The following SRBD1 variants were observed in gnomAD, a reference collection of about 807,000 sequenced individuals.
SRBD1 encodes the protein S1 RNA-binding domain-containing protein 1.
SRBD1 carries 88 observed loss-of-function variants against 115.3 expected under a neutral mutation model. The ratio of observed to expected loss-of-function variants is 0.76; its 90% confidence interval spans 0.64 to 0.91. SRBD1 has a LOEUF of 0.91. Among genes scored for constraint, SRBD1 ranks in the 40% least tolerant of loss-of-function variants. The pLI is 0.00. For synonymous variants in SRBD1, 509 were observed against 407.7 expected, an observed-to-expected ratio of 1.25 and a Z score of -2.99; for missense variants, 1,385 against 1,177.4, an observed-to-expected ratio of 1.18 and a Z score of -2.58.
chr2:45,433,958 C>T (rs1252009599), intron 16 of SRBD1, among the ~76,000 whole-genome samples: 5 of 152,116 alleles, frequency 3.3e-5, no homozygotes, highest in Admixed American at 6.5e-5. Context: ...GGCATCAGCA[C>T]TGGAAGGATT....
intron 14 of SRBD1, among the ~76,000 whole-genome samples, chr2:45,518,567 A>T (rs1372966975): frequency 6.6e-6 from 1 of 152,194 alleles, no homozygotes; most frequent in Non-Finnish European, 1.5e-5. Flanking sequence ...ACCTTGTTAC[A>T]TGGAAACCAT....
intron 5 of SRBD1, among the ~76,000 whole-genome samples, chr2:45,582,149 C>T (rs1351890235): frequency 6.6e-6 from 1 of 152,126 alleles, no homozygotes; most frequent in African/African-American, 2.4e-5. Context: ...ATGTAGTTGG[C>T]ATGCAACTAC....
chr2:45,527,704 C>A (rs1353745384), intron 14 of SRBD1, among the ~76,000 whole-genome samples: 2 of 151,822 alleles, frequency 1.3e-5, no homozygotes, highest in Non-Finnish European at 2.9e-5. Flanking sequence ...CTATTATTAT[C>A]CCCACTTCAG....
intron 14 of SRBD1, among the ~76,000 whole-genome samples, chr2:45,508,833 A>G (rs1049965286): frequency 2.0e-5 from 3 of 152,184 alleles, no homozygotes; most frequent in African/African-American, 7.2e-5. Context: ...TAAATGTAAA[A>G]ATGATTAAAG....
chr2:45,601,858 C>G, intron 3 of SRBD1, 45 bp downstream of exon 3: 1 of 1,593,198 alleles, frequency 6.3e-7, no homozygotes, highest in African/African-American at 1.4e-5. Context: ...CATCACCAAT[C>G]AGGAAGACAC....
At chr2:45,438,400 A>T (rs1668564963) in intron 16 of SRBD1, among the ~76,000 whole-genome samples, 1 of 152,226 alleles carries the variant, frequency 6.6e-6, no homozygotes, top group African/African-American at 2.4e-5. Context: ...TAATGGGTCA[A>T]CTTATCCAGC....
intron 15 of SRBD1, among the ~76,000 whole-genome samples, chr2:45,484,785 T>C (rs989147454): frequency 1.5e-4 from 23 of 152,212 alleles, no homozygotes; most frequent in African/African-American, 4.8e-4. Flanking sequence ...TACAGTCAGT[T>C]TTCAATCTCT....
At chr2:45,536,671 T>C (rs1214828121) in intron 14 of SRBD1, among the ~76,000 whole-genome samples, 4 of 152,194 alleles carry the variant, frequency 2.6e-5, no homozygotes, top group Non-Finnish European at 5.9e-5. Flanking sequence ...GTAAGGATCA[T>C]GGCTCATTAT....
At chr2:45,582,219 G>A (rs1673387598) in intron 5 of SRBD1, among the ~76,000 whole-genome samples, 1 of 152,072 alleles carries the variant, frequency 6.6e-6, no homozygotes, top group Admixed American at 6.6e-5. Context: ...TCCTTGATAA[G>A]GCCTTGATGT....
chr2:45,586,986 TTATTTTAAATATTTA>T (rs1673551048), intron 4 of SRBD1, among the ~76,000 whole-genome samples: 1 of 46,818 alleles, frequency 2.1e-5, no homozygotes, highest in African/African-American at 1.2e-4. Context: ...ATATTTAAAA[TTATTTTAAATATTTA>T]ATTATTTTAA....
chr2:45,557,909 T>C (rs539687180), intron 10 of SRBD1, among the ~76,000 whole-genome samples: 6 of 152,304 alleles, frequency 3.9e-5, no homozygotes, highest in East Asian at 1.9e-4. Context: ...CTATGTATGT[T>C]GCATACAATG....
intron 7 of SRBD1, 56 bp downstream of exon 7, chr2:45,579,819 T>C: frequency 1.4e-6 from 2 of 1,451,244 alleles, no homozygotes; most frequent in South Asian, 1.6e-5. Flanking sequence ...CATACGTTTT[T>C]AAATTAAAAA....
At chr2:45,479,158 C>T (rs987738488) in intron 15 of SRBD1, among the ~76,000 whole-genome samples, 4 of 152,158 alleles carry the variant, frequency 2.6e-5, no homozygotes, top group Non-Finnish European at 4.4e-5. Context: ...GGCTATTCCC[C>T]TCCCTCCCTC....
intron 14 of SRBD1, among the ~76,000 whole-genome samples, chr2:45,510,318 A>T (rs1670929167): frequency 1.3e-5 from 2 of 152,224 alleles, no homozygotes; most frequent in Admixed American, 6.5e-5. Context: ...TAAAACAAAG[A>T]GTACTTTTTG....
chr2:45,465,000 T>TACACACACACAC lies in SRBD1; in HGVS notation c.2049+11981_2049+11992dup, dbSNP rs58288876. 9.1e-5 allele frequency among the ~76,000 whole-genome samples: 11 copies of TACACACACACAC among 120,222 alleles called. No individual in the cohort carries two copies. The East Asian group carries it at 1.6e-3, about 17-fold the overall frequency. 78.9% of individuals were successfully genotyped at this position (120,222 alleles called of 152,430 possible). On this transcript the variant is annotated intron_variant, in intron 16 of 20. Coordinates refer to ENST00000263736, the MANE Select transcript of SRBD1 (RefSeq NM_018079.5). ...AAAGAAACTGTCATGGTTGAGATTG[T>TACACACACACAC]ACACACACACACACACACACACACA...
intron 1 of SRBD1, among the ~76,000 whole-genome samples, chr2:45,606,942 A>G (rs963687946): frequency 3.3e-5 from 5 of 152,210 alleles, no homozygotes; most frequent in African/African-American, 1.2e-4. Flanking sequence ...TCTCATGGAA[A>G]TACTAAAGGG....
intron 19 of SRBD1, among the ~76,000 whole-genome samples, chr2:45,400,860 A>T (rs1667273700): frequency 6.6e-6 from 1 of 152,140 alleles, no homozygotes; most frequent in South Asian, 2.1e-4. Context: ...CCATGATTTG[A>T]ATCCAGGCAG....
chr2:45,420,781 G>A (rs1222146915), intron 16 of SRBD1, among the ~76,000 whole-genome samples: 3 of 152,150 alleles, frequency 2.0e-5, no homozygotes, highest in Admixed American at 6.5e-5. Flanking sequence ...ATCCTCTGTT[G>A]TCTCTGGGAC....
At chr2:45,460,853 C>T (rs1294217345) in intron 16 of SRBD1, among the ~76,000 whole-genome samples, 1 of 152,146 alleles carries the variant, frequency 6.6e-6, no homozygotes, top group Non-Finnish European at 1.5e-5. Context: ...GTTATGCCTA[C>T]AATCCAATTT....
Sources: allele counts gnomAD v4.1 joint callset (sites outside exome capture counted in the v4.1 genomes callset), GRCh38; gene constraint gnomAD v4.1.1; transcripts MANE v1.5; gene names NCBI Gene and HGNC (gene_info 2026-07-23, HGNC 2026-07-21).